Variants in ROR2 observed in about 807,000 individuals in gnomAD.
The protein encoded by ROR2 is ROR family WNT receptor 2.
In ROR2, 33 loss-of-function variants were observed where a neutral mutation model predicts 74.9. The observed-to-expected ratio is 0.44, with a 90% confidence interval of 0.33 to 0.59. ROR2 has a LOEUF of 0.59. ROR2 is among the 20% of genes least tolerant of loss of function. The pLI is 0.02. For synonymous variants in ROR2, 586 were observed against 558.7 expected (o/e 1.05, Z -0.69); for missense variants, 1,216 against 1,313.8 (o/e 0.93, Z 1.15).
intron 1 of ROR2, among the ~76,000 whole-genome samples, chr9:91,904,982 A>G (rs767866362): frequency 6.6e-6 from 1 of 151,800 alleles, no homozygotes; most frequent in Non-Finnish European, 1.5e-5. Context: ...GCCACACAAC[A>G]TACAATACAC....
At chr9:91,813,806 G>A (rs1240588967) in intron 1 of ROR2, among the ~76,000 whole-genome samples, 1 of 152,184 alleles carries the variant, frequency 6.6e-6, no homozygotes. Flanking sequence ...TCCTCAGAGA[G>A]CGTGTTTACC....
intron 1 of ROR2, among the ~76,000 whole-genome samples, chr9:91,930,337 C>G (rs1182860781): frequency 2.0e-5 from 3 of 152,244 alleles, no homozygotes; most frequent in Non-Finnish European, 4.4e-5. Context: ...CTCCTACTTT[C>G]CCCTTCTTTC....
chr9:91,739,002 T>C (rs1008390675), intron 4 of ROR2, among the ~76,000 whole-genome samples: 6 of 152,204 alleles, frequency 3.9e-5, no homozygotes, highest in African/African-American at 1.2e-4. Context: ...CAAAGGTCCA[T>C]TGACGCCAAT....
chr9:91,770,837 A>T (rs578090817), intron 2 of ROR2, among the ~76,000 whole-genome samples: 1 of 152,312 alleles, frequency 6.6e-6, no homozygotes, highest in South Asian at 2.1e-4. Context: ...AAACTATCAT[A>T]CGTACACACA....
intron 1 of ROR2, among the ~76,000 whole-genome samples, chr9:91,940,164 G>A (rs967202889): frequency 6.6e-6 from 1 of 152,240 alleles, no homozygotes; most frequent in Non-Finnish European, 1.5e-5. Context: ...AATCAAGTGT[G>A]AAAGGCCATT....
chr9:91,852,636 CA>C (rs1587783807), intron 1 of ROR2, among the ~76,000 whole-genome samples: 2 of 151,290 alleles, frequency 1.3e-5, no homozygotes, highest in East Asian at 1.9e-4. Context: ...CACACACACA[CA>C]CACACACACA....
chr9:91,822,134 C>T (rs1482565087), intron 1 of ROR2, among the ~76,000 whole-genome samples: 2 of 152,232 alleles, frequency 1.3e-5, no homozygotes, highest in Non-Finnish European at 2.9e-5. Context: ...AAGAGGCCAA[C>T]ATTTGAATAT....
chr9:91,797,797 G>A (rs1202718037), intron 1 of ROR2, among the ~76,000 whole-genome samples: 2 of 45,534 alleles, frequency 4.4e-5, no homozygotes, highest in Admixed American at 3.8e-4. Flanking sequence ...GGCTCTGTGG[G>A]TGGGGCTGAC....
intron 1 of ROR2, among the ~76,000 whole-genome samples, chr9:91,936,108 T>C (rs991912438): frequency 1.6e-4 from 24 of 152,208 alleles, no homozygotes; most frequent in Admixed American, 7.2e-4. Flanking sequence ...TTCCCGAGGC[T>C]CAGCAATAGT....
At chr9:91,745,785 A>G (rs1215125002) in intron 4 of ROR2, among the ~76,000 whole-genome samples, 2 of 152,150 alleles carry the variant, frequency 1.3e-5, no homozygotes, top group Admixed American at 1.3e-4. Flanking sequence ...ATGATTGTCT[A>G]TTTAGTCACC....
At position 91,733,212 on chromosome 9, in the gene ROR2, G is replaced by C; in HGVS notation, c.847C>G (p.Leu283Val). ...SNPLILMRLQ[L>V]PKCEALPMPE... ...ATGGGCAGCGCCTCACACTTGGGCA[G>C]CTGAAGCCGCATGAGGATGAGCGGG... The change falls in exon 6 of 9, where the codon CTG becomes GTG. Residue 283 changes from leucine (L) to valine (V), a missense_variant. Leu to Val is a conservative substitution (Grantham distance 32). Coordinates refer to ENST00000375708, the MANE Select transcript of ROR2 (RefSeq NM_004560.4). This position sits in a 1 kb window ranked among gnomAD's most constrained non-coding sequence, Gnocchi z 5.7. 6.2e-7 allele frequency: 1 copy of C among 1,611,972 alleles called. No homozygotes were observed. The highest frequency in any genetic ancestry group is 1.1e-5 in the South Asian group (1 of 90,796).
chr9:91,915,777 A>G (rs1364187044), intron 1 of ROR2, among the ~76,000 whole-genome samples: 1 of 152,208 alleles, frequency 6.6e-6, no homozygotes, highest in African/African-American at 2.4e-5. Context: ...CTGAGCAGTC[A>G]TTGGCACATT....
intron 1 of ROR2, among the ~76,000 whole-genome samples, chr9:91,820,069 T>G (rs1329350390): frequency 1.3e-5 from 2 of 152,232 alleles, no homozygotes; most frequent in Non-Finnish European, 2.9e-5. Flanking sequence ...GTGATGAGTC[T>G]CTCACAATGC....
At chr9:91,903,887 C>T (rs1423194795) in intron 1 of ROR2, among the ~76,000 whole-genome samples, 2 of 152,120 alleles carry the variant, frequency 1.3e-5, no homozygotes, top group African/African-American at 2.4e-5. Context: ...AAAACAATAT[C>T]CATTTAATTT....
chr9:91,817,335 T>C (rs1380098603), intron 1 of ROR2, among the ~76,000 whole-genome samples: 1 of 152,120 alleles, frequency 6.6e-6, no homozygotes, highest in Non-Finnish European at 1.5e-5. Flanking sequence ...CTTCGTGGGG[T>C]CCAGGGCTCC....
At chr9:91,860,878 T>C (rs1353030157) in intron 1 of ROR2, among the ~76,000 whole-genome samples, 1 of 152,212 alleles carries the variant, frequency 6.6e-6, no homozygotes, top group Non-Finnish European at 1.5e-5. Context: ...AGGTACTCCT[T>C]AGTCTAGCGG....
At chr9:91,909,311 T>C (rs750179455) in intron 1 of ROR2, among the ~76,000 whole-genome samples, 2 of 152,116 alleles carry the variant, frequency 1.3e-5, no homozygotes, top group Admixed American at 6.5e-5. Flanking sequence ...TCATCACTGA[T>C]TGGAAAACCA....
intron 1 of ROR2, among the ~76,000 whole-genome samples, chr9:91,875,133 T>TA (rs1429354636): frequency 6.6e-6 from 1 of 152,172 alleles, no homozygotes; most frequent in African/African-American, 2.4e-5. Context: ...GCCAACCAAT[T>TA]AACGGTCCCA....
At chr9:91,731,984 C>T (rs1272864692) in intron 6 of ROR2, among the ~76,000 whole-genome samples, 4 of 152,160 alleles carry the variant, frequency 2.6e-5, no homozygotes, top group African/African-American at 4.8e-5. Flanking sequence ...TTCAGCCCCA[C>T]GGGTTAGTAC....
Sources: allele counts gnomAD v4.1 joint callset (sites outside exome capture counted in the v4.1 genomes callset), GRCh38; gene constraint gnomAD v4.1.1; non-coding constraint Gnocchi (gnomAD v3.1); transcripts MANE v1.5; gene names NCBI Gene and HGNC (gene_info 2026-07-23, HGNC 2026-07-21).